Variants in HOGA1 observed in about 807,000 individuals in gnomAD.
The protein encoded by HOGA1 is 4-hydroxy-2-oxoglutarate aldolase 1.
HOGA1 carries 30 observed loss-of-function variants against 34.3 expected under a neutral mutation model. That is an observed-to-expected ratio of 0.87 (90% CI 0.65 to 1.19). The LOEUF (loss-of-function observed/expected upper bound fraction) is 1.19, where lower values mean the gene tolerates loss of function less well. HOGA1 is among the 50% of genes most tolerant of loss of function. HOGA1 has a pLI of 0.00. For synonymous variants in HOGA1, 161 were observed against 174.0 expected (o/e 0.93, Z 0.59); for missense variants, 417 against 436.5 (o/e 0.96, Z 0.40).
At chr10:97,593,425 C>T (rs539774231) in intron 1 of HOGA1, among the ~76,000 whole-genome samples, 1 of 151,858 alleles carries the variant, frequency 6.6e-6, no homozygotes, top group East Asian at 1.9e-4. Context: ...TGCAGTGAGC[C>T]GAGACCATGC....
intron 5 of HOGA1, 133 bp from the exon 6 acceptor site, chr10:97,601,724 C>A: frequency 9.5e-7 from 1 of 1,054,966 alleles, no homozygotes; most frequent in Non-Finnish European, 1.5e-6. Context: ...CAGAGCATGC[C>A]TTTGATGTAG....
In HOGA1 at chr10:97,584,772, G is replaced by A; in HGVS notation, c.69G>A (p.Gly23=). The change falls in exon 1 of 7, where the codon GGG becomes GGA. Residue 23 remains glycine, a synonymous_variant. Transcript: ENST00000370646. ...GCAGGAGCTTGTCCAGGAATGTGGG[G>A]GTCTGGGCCTCAGGGGAGGGGAAGA... The part of the protein sequence containing the change: ...GLSRSLSRNV[G]VWASGEGKKV... The A allele has an allele frequency of 6.2e-7, 1 of 1,613,762 alleles. No individual in the cohort carries two copies. The highest frequency in any genetic ancestry group is 8.5e-7 in the Non-Finnish European group (1 of 1,179,824).
intron 1 of HOGA1, among the ~76,000 whole-genome samples, chr10:97,588,883 A>G (rs190740616): frequency 5.7e-4 from 85 of 150,376 alleles, no homozygotes; most frequent in Middle Eastern, 3.4e-3. Context: ...TTTTGAGGGG[A>G]AAAAAAAATA....
At position 97,600,318 on chromosome 10, in the gene HOGA1, C is replaced by T. The variant is rs1003854237; in HGVS notation, c.700+155C>T. ...AAAACTCAGAAACCTGGCCACGCCG[C>T]TTACCTGTCTGAATTCGGGATGCTG... On this transcript the variant is annotated intron_variant, in intron 5 of 6. Transcript: ENST00000370646. 7 of 700,410 alleles carry T rather than the reference C, an allele frequency of 1.0e-5. No homozygotes were observed. In the African/African-American group the frequency reaches 1.1e-4, roughly 11 times the overall value. The allele number at this position is 700,410 out of a possible 1,614,324, so 43.4% of individuals were successfully genotyped here.
chr10:97,607,444 C>G (rs2041165866), intron 6 of HOGA1, among the ~76,000 whole-genome samples: 1 of 152,210 alleles, frequency 6.6e-6, no homozygotes. Flanking sequence ...TCTTGCTAGG[C>G]AACCCCTTTT....
chr10:97,586,936 G>C (rs1345880957), intron 1 of HOGA1, among the ~76,000 whole-genome samples: 1 of 152,152 alleles, frequency 6.6e-6, no homozygotes, highest in Non-Finnish European at 1.5e-5. Flanking sequence ...TAGAGGACCT[G>C]GGCAAGAATC....
intron 1 of HOGA1, among the ~76,000 whole-genome samples, chr10:97,586,181 G>A (rs1355231418): frequency 6.6e-6 from 1 of 151,972 alleles, no homozygotes; most frequent in Non-Finnish European, 1.5e-5. Flanking sequence ...CACTGACTTA[G>A]TGTGGGATGA....
rs764469579 is a variant in HOGA1, at chr10:97,611,584, C to G, written c.909C>G (p.Arg303=). ...TTGGCTACTATGGAGGCCCCTGCCG[C>G]GCCCCCTTGCAGGAGCTGAGCCCCG... ...DWFGYYGGPC[R]APLQELSPAE... Residue 303 remains arginine, a synonymous_variant, in exon 7 of 7, where the codon CGC becomes CGG. Coordinates refer to ENST00000370646, the MANE Select transcript of HOGA1 (RefSeq NM_138413.4). 3 of 1,614,182 alleles carry G rather than the reference C, an allele frequency of 1.9e-6. 1 individual carries two copies. The South Asian group carries it at 3.3e-5, about 18-fold the overall frequency.
chr10:97,600,396 A>G lies in HOGA1; in HGVS notation c.700+233A>G, dbSNP rs73332768. On this transcript the variant is annotated intron_variant, in intron 5 of 6. Transcript: ENST00000370646. ...TGGCCGTGTACAATCCCTGGCCTGTAGTAGGGATGCCTGCAGTTTGTTCTG... is the reference window on the plus strand; with the variant it reads ...TGGCCGTGTACAATCCCTGGCCTGTGGTAGGGATGCCTGCAGTTTGTTCTG... 901 of 587,388 alleles carry G rather than the reference A, an allele frequency of 1.5e-3. 16 individuals carry two copies. Among genetic ancestry groups the G allele is most frequent in the African/African-American group, 0.015 (825 of 53,932 alleles). The allele number at this position is 587,388 out of a possible 1,614,324, so 36.4% of individuals were successfully genotyped here.
chr10:97,603,550 T>TTTTTA lies in HOGA1; in HGVS notation c.834+1579_834+1583dup, dbSNP rs746727072. Among the ~76,000 whole-genome samples the TTTTTA allele has an allele frequency of 1.1e-4, 17 of 151,626 alleles. No individual in the cohort carries two copies. The South Asian group carries it at 1.9e-3, about 17-fold the overall frequency. Reference sequence around the variant, plus strand: ...GCCTACTGTATATTTTATATTTAACTTTTTATTTTATTTTATTTTATTTAT... The same window carrying TTTTTA: ...GCCTACTGTATATTTTATATTTAACTTTTTATTTTATTTTATTTTATTTTATTTAT... On this transcript the variant is annotated intron_variant, in intron 6 of 6. Coordinates refer to ENST00000370646, the MANE Select transcript of HOGA1 (RefSeq NM_138413.4). This position sits in a 1 kb window ranked among gnomAD's most constrained non-coding sequence, Gnocchi z 4.5.
At chr10:97,588,411 G>A (rs191782939) in intron 1 of HOGA1, among the ~76,000 whole-genome samples, 13 of 151,962 alleles carry the variant, frequency 8.6e-5, no homozygotes, top group Admixed American at 2.6e-4. Flanking sequence ...GGGTTTCACC[G>A]TGTTAGCCAG....
chr10:97,594,337 G>A (rs1417913297), intron 1 of HOGA1, among the ~76,000 whole-genome samples: 1 of 151,256 alleles, frequency 6.6e-6, no homozygotes, highest in Non-Finnish European at 1.5e-5. Flanking sequence ...CTCCATGCTT[G>A]GCTAATTTTT....
chr10:97,584,685 C>A lies in HOGA1; in HGVS notation c.-19C>A. On this transcript the variant is annotated 5_prime_UTR_variant, in exon 1 of 7. Coordinates refer to ENST00000370646, the MANE Select transcript of HOGA1 (RefSeq NM_138413.4). ...CACTCTGGGACATAGACCAATTGTG[C>A]TTCAGGCCTCCTGCAGAGATGCTGG... The A allele has an allele frequency of 6.3e-7, 1 of 1,598,016 alleles. No homozygotes were observed.
intron 5 of HOGA1, 126 bp from the exon 6 acceptor site, chr10:97,601,731 G>A (rs909032225): frequency 5.0e-5 from 56 of 1,127,896 alleles, no homozygotes; most frequent in Non-Finnish European, 7.2e-5. Flanking sequence ...TGCCTTTGAT[G>A]TAGCCAGCCA....
At chr10:97,598,962 G>T in intron 2 of HOGA1, 59 bp downstream of exon 2, 4 of 1,610,362 alleles carry the variant, frequency 2.5e-6, no homozygotes, top group Non-Finnish European at 3.4e-6. Flanking sequence ...CAGGCTCCTA[G>T]GCCCTAGCTT....
Position 97,598,797 on chromosome 10 carries a change from T to C in HOGA1, c.234T>C (p.Asn78=), listed in dbSNP as rs769137843. ...PFRGFVVQGS[N]GEFPFLTSSE... is the part of the protein sequence containing the mutation. ...CAGGCTTCGTGGTCCAGGGCTCCAA[T>C]GGCGAGTTTCCTTTCCTGACCAGCA... is the stretch of plus-strand genomic sequence containing the variant. Residue 78 remains asparagine (N), a synonymous_variant, in exon 2 of 7, where the codon AAT becomes AAC. Transcript: ENST00000370646. 2 of 1,614,134 alleles carry C rather than the reference T, an allele frequency of 1.2e-6. No individual in the cohort carries two copies. Among genetic ancestry groups the C allele is most frequent in the Non-Finnish European group, 1.7e-6 (2 of 1,180,014 alleles).
chr10:97,600,105 G>A lies in HOGA1; in HGVS notation c.642G>A (p.Lys214=), dbSNP rs767987177. ...GGCTGATTGTTCACAAGACCAGGAA[G>A]CAGGATTTTCAGGTGTTGGCTGGAT... ...RIGLIVHKTR[K]QDFQVLAGSA... Residue 214 remains lysine, a synonymous_variant, in exon 5 of 7, where the codon AAG becomes AAA. Coordinates refer to ENST00000370646, the MANE Select transcript of HOGA1 (RefSeq NM_138413.4). The A allele has an allele frequency of 1.9e-6, 3 of 1,614,220 alleles. No individual in the cohort carries two copies. The highest frequency in any genetic ancestry group is 8.5e-7 in the Non-Finnish European group (1 of 1,180,032).
chr10:97,604,976 G>A (rs1459797298), intron 6 of HOGA1, among the ~76,000 whole-genome samples: 3 of 151,922 alleles, frequency 2.0e-5, no homozygotes, highest in East Asian at 1.9e-4. Context: ...GTGAGACTCC[G>A]TCTCAATAAA....
At chr10:97,607,435 C>T (rs902362497) in intron 6 of HOGA1, among the ~76,000 whole-genome samples, 1 of 152,192 alleles carries the variant, frequency 6.6e-6, no homozygotes, top group African/African-American at 2.4e-5. Flanking sequence ...AGCTTTCCAT[C>T]TTGCTAGGCA....
Sources: allele counts gnomAD v4.1 joint callset (sites outside exome capture counted in the v4.1 genomes callset), GRCh38; gene constraint gnomAD v4.1.1; non-coding constraint Gnocchi (gnomAD v3.1); transcripts MANE v1.5; gene names NCBI Gene and HGNC (gene_info 2026-07-23, HGNC 2026-07-21).